Variants in CACTIN observed in about 807,000 individuals in gnomAD.
CACTIN encodes splicing factor Cactin.
In CACTIN, 20 loss-of-function variants were observed where a neutral mutation model predicts 84.9. The observed-to-expected ratio is 0.24, with a 90% CI of 0.17 to 0.34. CACTIN has a LOEUF of 0.34. Ranked by LOEUF, CACTIN falls within the 10% of genes least tolerant of loss-of-function variation. The pLI is 1.00. For synonymous variants in CACTIN, 549 were observed against 467.9 expected, an observed-to-expected ratio of 1.17 and a Z score of -2.24; for missense variants, 897 against 1,117.2, an observed-to-expected ratio of 0.80 and a Z score of 2.81.
rs2032976620 is a variant in CACTIN, at chr19:3,612,243, AG to A, written c.1956del (p.Phe653SerfsTer126). The A allele has an allele frequency of 6.2e-7, 1 of 1,613,132 alleles. No homozygotes were observed. Among genetic ancestry groups the A allele is most frequent in the Non-Finnish European group, 8.5e-7 (1 of 1,179,904 alleles). ...KPRFFNRVHT[G>X]FEWNKYNQTH... ...GTCTGGTTGTACTTGTTCCACTCGA[AG>A]CCCGTGTGCACGCGGTTGAAGAAGC... On this transcript the variant is annotated frameshift_variant, in exon 10 of 10. Coordinates refer to ENST00000429344, the MANE Select transcript of CACTIN (RefSeq NM_001080543.2). LOFTEE classifies it high-confidence loss of function.
In CACTIN at chr19:3,613,601, C is replaced by G; in HGVS notation, c.1356-15G>C. ...GCTCACGCAGCCTGGGACGCAGAGC[C>G]GGGGTCACCCGCATGGAGGCGAAGG... On this transcript the variant is annotated splice_polypyrimidine_tract_variant and intron_variant, in intron 7 of 9. Transcript: ENST00000429344. The G allele has an allele frequency of 6.3e-7, 1 of 1,592,356 alleles. No individual in the cohort carries two copies. Among genetic ancestry groups the G allele is most frequent in the South Asian group, 1.1e-5 (1 of 89,240 alleles).
rs952355395 is a variant in CACTIN at position 3,613,335 on chromosome 19, C to T, written c.1509G>A (p.Pro503=). Residue 503 remains proline, a synonymous_variant, in exon 9 of 10, where the codon CCG becomes CCA. Transcript: ENST00000429344. The part of the protein sequence containing the change: ...SLEPEDAAPT[P]PGPSSEGGPA... ...GGCCGCCCTCCGAGGAGGGCCCGGG[C>T]GGGGTGGGCGCCGCGTCCTCAGGCT... is the stretch of plus-strand genomic sequence containing the variant. 2.6e-6 allele frequency: 4 copies of T among 1,519,532 alleles called. No homozygotes were observed. The highest frequency in any genetic ancestry group is 1.3e-5 in the South Asian group (1 of 79,664). The allele number at this position is 1,519,532 out of a possible 1,614,324, so 94.1% of individuals were successfully genotyped here.
rs367751156 is a variant in CACTIN, at chr19:3,612,678, G to A, written c.1787-265C>T. 202 of 708,710 alleles carry A rather than the reference G, an allele frequency of 2.9e-4. No homozygotes were observed. The East Asian group carries it at 5.0e-3, about 18-fold the overall frequency. 43.9% of individuals were successfully genotyped at this position (708,710 alleles called of 1,614,324 possible). A position where few individuals can be genotyped will look rare whatever the true frequency, so the allele number is the denominator to read the frequency against. ...CGCGCTTCCCCGCCGAGCGACAGGA[G>A]AACCTGGTGGTTAGGGCCTGGCTGC... On this transcript the variant is annotated intron_variant, in intron 9 of 9. Coordinates refer to ENST00000429344, the MANE Select transcript of CACTIN (RefSeq NM_001080543.2).
At chr19:3,617,888 C>T (rs2033138729) in intron 6 of CACTIN, among the ~76,000 whole-genome samples, 1 of 152,218 alleles carries the variant, frequency 6.6e-6, no homozygotes, top group Non-Finnish European at 1.5e-5. Flanking sequence ...GCTGAGTGAA[C>T]TCCACCTCCG....
At chr19:3,613,389 C>T (rs765089026) in intron 8 of CACTIN, 24 bp from the exon 9 acceptor site, 3 of 1,531,462 alleles carry the variant, frequency 2.0e-6, no homozygotes, top group South Asian at 1.2e-5. Flanking sequence ...GCGTTGGAGG[C>T]GCGGAGGCTG....
chr19:3,613,211 C>A lies in CACTIN; in HGVS notation c.1633G>T (p.Asp545Tyr). ...TCGTCCAGGCTCTGCTGGATCAGGT[C>A]CTCCTCCATGAGCACCGCCTCGCCC... ...GEGEAVLMEE[D>Y]LIQQSLDDYD... is the part of the protein sequence containing the mutation. The change falls in exon 9 of 10, where the codon GAC (aspartate) becomes TAC (tyrosine). Residue 545 changes from aspartate to tyrosine, a missense_variant. By Grantham distance (160) the Asp-to-Tyr change is radical (BLOSUM62 -3). Around this residue, in one of 8 missense-constraint regions of CACTIN, gnomAD observed 243 missense variants for 239.9 expected, o/e 1.01. Transcript: ENST00000429344. The A allele has an allele frequency of 6.2e-7, 1 of 1,611,510 alleles. No homozygotes were observed. Among genetic ancestry groups the A allele is most frequent in the Non-Finnish European group, 8.5e-7 (1 of 1,179,322 alleles).
chr19:3,611,435 A>G lies in CACTIN; in HGVS notation c.*488T>C, dbSNP rs2145310188. The G allele has an allele frequency of 9.8e-6, 4 of 410,136 alleles. No individual in the cohort carries two copies. Among genetic ancestry groups the G allele is most frequent in the South Asian group, 7.0e-5 (4 of 57,496 alleles). 25.4% of individuals were successfully genotyped at this position (410,136 alleles called of 1,614,324 possible). On this transcript the variant is annotated 3_prime_UTR_variant, in exon 10 of 10. Coordinates refer to ENST00000429344, the MANE Select transcript of CACTIN (RefSeq NM_001080543.2). ...CAGCCGCGGGCTCTGCCTCACGCCC[A>G]GTGGGTGCCCCGTGATGTGGCAGGG...
intron 1 of CACTIN, among the ~76,000 whole-genome samples, chr19:3,625,003 G>A (rs1201996830): frequency 2.0e-5 from 3 of 152,092 alleles, no homozygotes; most frequent in Non-Finnish European, 4.4e-5. Context: ...CCATCCTCTC[G>A]CCTCAGCCTC....
chr19:3,624,668 C>T (rs1038225954), intron 1 of CACTIN, among the ~76,000 whole-genome samples: 3 of 151,866 alleles, frequency 2.0e-5, no homozygotes, highest in Non-Finnish European at 2.9e-5. Flanking sequence ...GGGCTGGTGG[C>T]GCAGGAATTA....
intron 1 of CACTIN, among the ~76,000 whole-genome samples, chr19:3,624,880 T>C (rs919673261): frequency 3.3e-5 from 5 of 151,798 alleles, no homozygotes; most frequent in South Asian, 2.1e-4. Context: ...AGACACAGAG[T>C]CTACTAGAGA....
rs544715931 is a variant in CACTIN, at chr19:3,619,116, G to A, written c.1011C>T (p.Thr337=). Residue 337 remains threonine, a synonymous_variant, in exon 5 of 10, where the codon ACC becomes ACT. Transcript: ENST00000429344. ...HEPYTFLNGL[T]VADMEDLLED... ...CCAGCAGGTCCTCCATGTCGGCCAC[G>A]GTGAGGCCGTTGAGGAACGTGTAGG... The A allele has an allele frequency of 2.8e-5, 45 of 1,586,384 alleles. No individual in the cohort carries two copies. In the African/African-American group the frequency reaches 3.9e-4, roughly 14 times the overall value.
chr19:3,626,328 G>A (rs977867782), intron 1 of CACTIN, among the ~76,000 whole-genome samples: 2 of 152,228 alleles, frequency 1.3e-5, no homozygotes, highest in East Asian at 1.9e-4. Flanking sequence ...GGCTCGATAT[G>A]ATATGATCTG....
Position 3,623,712 on chromosome 19 carries a change from C to G in CACTIN, c.618G>C (p.Leu206=). 6.2e-7 allele frequency: 1 copy of G among 1,611,232 alleles called. No homozygotes were observed. Among genetic ancestry groups the G allele is most frequent in the Non-Finnish European group, 8.5e-7 (1 of 1,178,086 alleles). ...NTDNPFGDNN[L]LGTFIWNKAL... is the part of the protein sequence containing the mutation. ...CCTTATTCCAGATGAAGGTGCCCAGCAGGTTGTTGTCTCCGAAGGGGTTGT... is the reference window on the plus strand; with the variant it reads ...CCTTATTCCAGATGAAGGTGCCCAGGAGGTTGTTGTCTCCGAAGGGGTTGT... The change falls in exon 2 of 10, where the codon CTG becomes CTC. Residue 206 remains leucine, a synonymous_variant. Transcript: ENST00000429344.
chr19:3,612,107 G>A lies in CACTIN; in HGVS notation c.2093C>T (p.Ala698Val), dbSNP rs199729475. The A allele has an allele frequency of 1.0e-4, 165 of 1,613,682 alleles. 1 individual carries two copies. Among genetic ancestry groups the A allele is most frequent in the Non-Finnish European group, 2.4e-5 (28 of 1,179,892 alleles). Residue 698 changes from alanine to valine, a missense_variant, in exon 10 of 10, where the codon GCC (alanine) becomes GTC (valine). Coordinates refer to ENST00000429344, the MANE Select transcript of CACTIN (RefSeq NM_001080543.2). Reference sequence around the variant, plus strand: ...GGCGAAATCCTTGTTGTCGGCGCAGGCCTCCAGGAAGTACTCGGGCGTGGA... The same window carrying A: ...GGCGAAATCCTTGTTGTCGGCGCAGACCTCCAGGAAGTACTCGGGCGTGGA... ...KRSTPEYFLE[A>V]CADNKDFAIL... is the part of the protein sequence containing the mutation.
At chr19:3,624,702 G>T (rs1398799667) in intron 1 of CACTIN, among the ~76,000 whole-genome samples, 1 of 152,042 alleles carries the variant, frequency 6.6e-6, no homozygotes, top group South Asian at 2.1e-4. Flanking sequence ...CAGGGGACCC[G>T]AACACATTTA....
chr19:3,621,219 C>A (rs1779038811), intron 2 of CACTIN, among the ~76,000 whole-genome samples: 2 of 152,254 alleles, frequency 1.3e-5, no homozygotes, highest in African/African-American at 2.4e-5. Flanking sequence ...GGGTCCCCCA[C>A]TGCACGTGGG....
At chr19:3,625,041 C>A (rs760690894) in intron 1 of CACTIN, among the ~76,000 whole-genome samples, 4 of 152,134 alleles carry the variant, frequency 2.6e-5, no homozygotes, top group Non-Finnish European at 5.9e-5. Flanking sequence ...CAGGCACACA[C>A]CACCACGCCC....
intron 1 of CACTIN, among the ~76,000 whole-genome samples, chr19:3,624,678 A>AT (rs1326359521): frequency 2.6e-5 from 4 of 152,108 alleles, no homozygotes; most frequent in Non-Finnish European, 5.9e-5. Context: ...CGCAGGAATT[A>AT]TAAGGGTACG....
Position 3,626,770 on chromosome 19 carries a change from G to C in CACTIN, c.-8C>G. ...GCGTGTGTCCCGACCCATCGGCTGG[G>C]CCAGTGGCCGCGGCACCAACACCAA... On this transcript the variant is annotated 5_prime_UTR_variant, in exon 1 of 10. Transcript: ENST00000429344. 7.2e-7 allele frequency: 1 copy of C among 1,380,412 alleles called. No individual in the cohort carries two copies. Among genetic ancestry groups the C allele is most frequent in the Non-Finnish European group, 9.4e-7 (1 of 1,065,616 alleles). The allele number at this position is 1,380,412 out of a possible 1,614,324, so 85.5% of individuals were successfully genotyped here. A position where few individuals can be genotyped will look rare whatever the true frequency, so the allele number is the denominator to read the frequency against.
Sources: allele counts gnomAD v4.1 joint callset (sites outside exome capture counted in the v4.1 genomes callset), GRCh38; gene constraint gnomAD v4.1.1; regional missense constraint gnomAD v4.1.1; transcripts MANE v1.5; gene names NCBI Gene and HGNC (gene_info 2026-07-23, HGNC 2026-07-21).